The following MYCBP2 variants were observed in gnomAD, a reference collection of about 807,000 sequenced individuals.
MYCBP2 encodes E3 ubiquitin-protein ligase MYCBP2.
Under a neutral mutation model 525.3 loss-of-function variants are expected in MYCBP2, and 120 were observed. The ratio of observed to expected loss-of-function variants is 0.23; its 90% CI spans 0.20 to 0.27. The LOEUF (loss-of-function observed/expected upper bound fraction) is 0.27, where lower values mean the gene tolerates loss of function less well. Ranked by LOEUF, MYCBP2 falls within the 10% of genes least tolerant of loss-of-function variation. The pLI is 1.00. For synonymous variants in MYCBP2, 1,894 were observed against 1,955.8 expected (o/e 0.97, Z 0.83); for missense variants, 4,149 against 5,657.1 (o/e 0.73, Z 8.55).
Position 77,278,889 on chromosome 13 carries a change from T to C in MYCBP2, c.617A>G (p.Glu206Gly). 6.3e-7 allele frequency: 1 copy of C among 1,587,898 alleles called. No homozygotes were observed. Among genetic ancestry groups the C allele is most frequent in the Non-Finnish European group, 8.6e-7 (1 of 1,168,812 alleles). ...LPKIIEVGLC[E>G]VFELIKETRF... is the part of the protein sequence containing the mutation. ...TGTCTCTTTGATCAATTCAAAAACT[T>C]CACAAAGGCCAACCTCAATAATCTA... The change falls in exon 4 of 83, where the codon GAA becomes GGA. Residue 206 changes from glutamate to glycine, a missense_variant. By Grantham distance (98) the Glu-to-Gly change is moderately conservative (BLOSUM62 -2). Coordinates refer to ENST00000544440, the MANE Select transcript of MYCBP2 (RefSeq NM_015057.5).
Position 77,152,130 on chromosome 13 carries a change from A to T in MYCBP2, c.6916-1181T>A, listed in dbSNP as rs565665084. 1.8e-4 allele frequency among the ~76,000 whole-genome samples: 28 copies of T among 152,336 alleles called. No homozygotes were observed. The East Asian group carries it at 5.2e-3, about 28-fold the overall frequency. ...TATGTTTATTGTTCTTAACAACGCGATTCTATGGAATCAGTAGTTTGAGAC... is the reference window on the plus strand; with the variant it reads ...TATGTTTATTGTTCTTAACAACGCGTTTCTATGGAATCAGTAGTTTGAGAC... On this transcript the variant is annotated intron_variant, in intron 46 of 82. Coordinates refer to ENST00000544440, the MANE Select transcript of MYCBP2 (RefSeq NM_015057.5).
intron 60 of MYCBP2, among the ~76,000 whole-genome samples, chr13:77,089,491 A>G (rs2044980907): frequency 1.3e-5 from 2 of 152,208 alleles, no homozygotes; most frequent in South Asian, 2.1e-4. Context: ...ATCTGACTAT[A>G]ATTTTTAGGC....
At chr13:77,226,073 A>T (rs2066224819) in intron 18 of MYCBP2, among the ~76,000 whole-genome samples, 1 of 152,230 alleles carries the variant, frequency 6.6e-6, no homozygotes, top group African/African-American at 2.4e-5. Flanking sequence ...TTCAAAATGT[A>T]TAAAGACCAA....
chr13:77,062,762 G>T, intron 73 of MYCBP2, 65 bp from the exon 74 acceptor site: 2 of 1,248,648 alleles, frequency 1.6e-6, no homozygotes, highest in South Asian at 2.4e-5. Flanking sequence ...TGCTGACTGT[G>T]ACACATCACA....
At chr13:77,118,883 T>C (rs1215057806) in intron 55 of MYCBP2, among the ~76,000 whole-genome samples, 1 of 152,184 alleles carries the variant, frequency 6.6e-6, no homozygotes, top group South Asian at 2.1e-4. Flanking sequence ...TTCCCAACAA[T>C]GACTAATACC....
At position 77,093,295 on chromosome 13, in the gene MYCBP2, T is replaced by C; in HGVS notation, c.10237A>G (p.Asn3413Asp). 4.3e-6 allele frequency: 7 copies of C among 1,613,438 alleles called. No homozygotes were observed. The highest frequency in any genetic ancestry group is 5.9e-6 in the Non-Finnish European group (7 of 1,179,590). ...TATCTCATTTCATCCTGGAATAGAT[T>C]GTCATCTTGATAGCCCACAAAATTT... ...HENFVGYQDD[N>D]LFQDEMRYLR... Residue 3413 changes from asparagine (N) to aspartate (D), a missense_variant, in exon 59 of 83, where the codon AAT becomes GAT. Physicochemically the swap from Asn to Asp is conservative, Grantham distance 23. This residue lies in a region of MYCBP2 where 509 missense variants were observed against 789.4 expected (regional missense o/e 0.64). Transcript: ENST00000544440.
chr13:77,218,188 T>C (rs952060371), intron 20 of MYCBP2, among the ~76,000 whole-genome samples: 12 of 152,170 alleles, frequency 7.9e-5, no homozygotes, highest in African/African-American at 2.9e-4. Context: ...CTAAATGTAA[T>C]TACCCTAATT....
chr13:77,205,882 T>C lies in MYCBP2; in HGVS notation c.3590-284A>G, dbSNP rs2063269181. ...TGAATTCTTACAAGGTTCTTCCTTT[T>C]ATGAAACTCCAAATTAGTTTGATTC... On this transcript the variant is annotated intron_variant, in intron 24 of 82. Transcript: ENST00000544440. Among the ~76,000 whole-genome samples, 4 of 152,314 alleles carry C rather than the reference T, an allele frequency of 2.6e-5. No homozygotes were observed. The South Asian group carries it at 8.3e-4, about 32-fold the overall frequency.
intron 24 of MYCBP2, among the ~76,000 whole-genome samples, chr13:77,205,804 G>A (rs940616929): frequency 1.3e-5 from 2 of 152,014 alleles, no homozygotes; most frequent in African/African-American, 4.8e-5. Context: ...CTTGCCATAC[G>A]ACAACCTTTT....
At chr13:77,173,599 A>G (rs2059344311) in intron 37 of MYCBP2, among the ~76,000 whole-genome samples, 2 of 152,216 alleles carry the variant, frequency 1.3e-5, no homozygotes. Flanking sequence ...TGAAGGAAAG[A>G]GAGGAAGCAG....
chr13:77,203,146 C>T (rs573520491), intron 26 of MYCBP2, among the ~76,000 whole-genome samples: 3 of 152,080 alleles, frequency 2.0e-5, no homozygotes, highest in African/African-American at 4.8e-5. Context: ...CTAGAAAACC[C>T]CATCATCTCA....
chr13:77,094,325 C>G (rs915479472), intron 58 of MYCBP2, among the ~76,000 whole-genome samples: 1 of 152,136 alleles, frequency 6.6e-6, no homozygotes, highest in East Asian at 1.9e-4. Context: ...GTACAGGCTG[C>G]ACCACTGAGG....
intron 17 of MYCBP2, among the ~76,000 whole-genome samples, chr13:77,239,155 C>T (rs1342639444): frequency 6.6e-6 from 1 of 152,076 alleles, no homozygotes. Context: ...TTCTGATCAT[C>T]TATGAAAAAC....
chr13:77,294,353 A>G (rs2077948527), intron 2 of MYCBP2, among the ~76,000 whole-genome samples: 1 of 151,788 alleles, frequency 6.6e-6, no homozygotes, highest in Non-Finnish European at 1.5e-5. Context: ...CCAAACATCC[A>G]GCATAATGCC....
At chr13:77,280,875 T>C (rs1274132093) in intron 3 of MYCBP2, among the ~76,000 whole-genome samples, 3 of 152,352 alleles carry the variant, frequency 2.0e-5, no homozygotes, top group South Asian at 2.1e-4. Context: ...TCTTGGTTCA[T>C]TGTAGACTTT....
At chr13:77,118,383 A>C in intron 55 of MYCBP2, 1 of 764,040 alleles carries the variant, frequency 1.3e-6, no homozygotes, top group South Asian at 1.3e-5. Context: ...GTCCGAACAC[A>C]AATGGGCTGT....
rs1014272669 is a variant in MYCBP2, at chr13:77,067,480, G to T, written c.12455+101C>A. On this transcript the variant is annotated intron_variant, in intron 71 of 82. Transcript: ENST00000544440. Reference sequence around the variant, plus strand: ...GCCAGTTGTTTATGGATTTTATTTGGTGAGTAACCTAACAAGGTAAAATCT... The same window carrying T: ...GCCAGTTGTTTATGGATTTTATTTGTTGAGTAACCTAACAAGGTAAAATCT... 7.4e-6 allele frequency: 9 copies of T among 1,218,264 alleles called. No individual in the cohort carries two copies. In the East Asian group the frequency reaches 1.4e-4, roughly 19 times the overall value. The allele number at this position is 1,218,264 out of a possible 1,614,324, so 75.5% of individuals were successfully genotyped here. A position where few individuals can be genotyped will look rare whatever the true frequency, so the allele number is the denominator to read the frequency against.
At chr13:77,071,562 G>C (rs1330163564) in intron 68 of MYCBP2, among the ~76,000 whole-genome samples, 1 of 152,058 alleles carries the variant, frequency 6.6e-6, no homozygotes, top group Non-Finnish European at 1.5e-5. Flanking sequence ...CTACCAGGTA[G>C]AATGAATTCC....
intron 80 of MYCBP2, among the ~76,000 whole-genome samples, chr13:77,054,962 T>G (rs1287378919): frequency 1.3e-5 from 2 of 152,124 alleles, no homozygotes; most frequent in East Asian, 3.8e-4. Context: ...GATCCAAATG[T>G]CTGGTACGCA....
Sources: allele counts gnomAD v4.1 joint callset (sites outside exome capture counted in the v4.1 genomes callset), GRCh38; gene constraint gnomAD v4.1.1; regional missense constraint gnomAD v4.1.1; transcripts MANE v1.5; gene names NCBI Gene and HGNC (gene_info 2026-07-23, HGNC 2026-07-21).